UNC5D: variants seen among roughly 807,000 people sequenced by gnomAD.
The protein encoded by UNC5D is unc-5 netrin receptor D.
Under a neutral mutation model 105.4 loss-of-function variants are expected in UNC5D, and 39 were observed. The observed-to-expected ratio is 0.37, with a 90% CI of 0.29 to 0.48. The LOEUF (loss-of-function observed/expected upper bound fraction) is 0.48. Among genes scored for constraint, UNC5D ranks in the 20% least tolerant of loss-of-function variants. The probability of loss-of-function intolerance (pLI) is 0.98; values close to 1 mark genes in which losing one functional copy is unlikely to be tolerated. For synonymous variants in UNC5D, 452 were observed against 450.4 expected, an observed-to-expected ratio of 1.00 and a Z score of -0.04; for missense variants, 991 against 1,202.4, an observed-to-expected ratio of 0.82 and a Z score of 2.60.
chr8:35,331,353 T>G (rs1223526038), intron 1 of UNC5D, among the ~76,000 whole-genome samples: 1 of 152,158 alleles, frequency 6.6e-6, no homozygotes, highest in Non-Finnish European at 1.5e-5. Context: ...TCTCCTGGGC[T>G]TAGTGAAATT....
At chr8:35,749,989 T>TAAAAA (rs11380512) in intron 12 of UNC5D, among the ~76,000 whole-genome samples, 1 of 136,930 alleles carries the variant, frequency 7.3e-6, no homozygotes, top group African/African-American at 3.3e-5. Context: ...GAAATAGTTG[T>TAAAAA]AAAAAAAAAA....
At chr8:35,339,089 G>A (rs1811266497) in intron 1 of UNC5D, among the ~76,000 whole-genome samples, 1 of 152,168 alleles carries the variant, frequency 6.6e-6, no homozygotes, top group Non-Finnish European at 1.5e-5. Flanking sequence ...ACAGACCCAT[G>A]TAATAGTTTG....
chr8:35,708,337 T>C (rs1180544270), intron 8 of UNC5D, among the ~76,000 whole-genome samples: 1 of 152,230 alleles, frequency 6.6e-6, no homozygotes. Flanking sequence ...TGAAAGCACT[T>C]ATTGTAAATG....
intron 1 of UNC5D, among the ~76,000 whole-genome samples, chr8:35,545,054 G>A (rs1815548905): frequency 6.6e-6 from 1 of 152,198 alleles, no homozygotes; most frequent in Non-Finnish European, 1.5e-5. Context: ...ATGTGGTGTG[G>A]AAGGAGGCAG....
intron 1 of UNC5D, among the ~76,000 whole-genome samples, chr8:35,399,592 A>G (rs1253653726): frequency 1.3e-5 from 2 of 152,224 alleles, no homozygotes; most frequent in African/African-American, 4.8e-5. Flanking sequence ...GCATGCATAC[A>G]TATGTCAAAA....
intron 16 of UNC5D, among the ~76,000 whole-genome samples, chr8:35,781,921 AG>A (rs541157233): frequency 4.3e-4 from 65 of 152,306 alleles, no homozygotes; most frequent in African/African-American, 1.5e-3. Context: ...GATAATGATG[AG>A]GGAAATTTTA....
At chr8:35,540,690 G>A (rs1310584587) in intron 1 of UNC5D, among the ~76,000 whole-genome samples, 1 of 152,162 alleles carries the variant, frequency 6.6e-6, no homozygotes, top group Non-Finnish European at 1.5e-5. Context: ...GGACAAAGCT[G>A]TATCTGCCAT....
chr8:35,280,233 T>G (rs1344230437), intron 1 of UNC5D, among the ~76,000 whole-genome samples: 1 of 152,170 alleles, frequency 6.6e-6, no homozygotes, highest in Non-Finnish European at 1.5e-5. Context: ...TGAACTCAAG[T>G]GATCTGCCTA....
At chr8:35,584,676 C>T (rs1166306190) in intron 3 of UNC5D, among the ~76,000 whole-genome samples, 1 of 151,890 alleles carries the variant, frequency 6.6e-6, no homozygotes, top group Non-Finnish European at 1.5e-5. Flanking sequence ...GTATCAAACT[C>T]CTGGCCTGAA....
intron 1 of UNC5D, among the ~76,000 whole-genome samples, chr8:35,401,716 T>C (rs10113663): frequency 0.049 from 7,502 of 152,236 alleles, 208 homozygotes; most frequent in African/African-American, 0.073. Flanking sequence ...GACGTCTTAC[T>C]AAATCCCTGT....
chr8:35,506,472 A>T (rs1812311132), intron 1 of UNC5D, among the ~76,000 whole-genome samples: 1 of 152,172 alleles, frequency 6.6e-6, no homozygotes, highest in Non-Finnish European at 1.5e-5. Flanking sequence ...CTCCCTTTAA[A>T]AGGAGGAAGA....
At chr8:35,462,991 A>C (rs1455290069) in intron 1 of UNC5D, among the ~76,000 whole-genome samples, 1 of 152,226 alleles carries the variant, frequency 6.6e-6, no homozygotes, top group Admixed American at 6.5e-5. Context: ...CTTCTCTGGA[A>C]CACCACACTC....
At chr8:35,444,830 C>T (rs2128986472) in intron 1 of UNC5D, among the ~76,000 whole-genome samples, 1 of 151,986 alleles carries the variant, frequency 6.6e-6, no homozygotes, top group South Asian at 2.1e-4. Context: ...TTATCCTTGT[C>T]AATAAAGGAG....
intron 12 of UNC5D, among the ~76,000 whole-genome samples, chr8:35,749,578 T>C (rs984989886): frequency 6.6e-6 from 1 of 152,318 alleles, no homozygotes; most frequent in South Asian, 2.1e-4. Context: ...CCAACTAGTG[T>C]CTTGAAACTA....
At chr8:35,311,025 G>A (rs1808837791) in intron 1 of UNC5D, among the ~76,000 whole-genome samples, 1 of 152,090 alleles carries the variant, frequency 6.6e-6, no homozygotes, top group Non-Finnish European at 1.5e-5. Flanking sequence ...ACAAAGCCTA[G>A]GAAAGCCTAG....
At chr8:35,423,234 C>T (rs369180981) in intron 1 of UNC5D, among the ~76,000 whole-genome samples, 4 of 152,270 alleles carry the variant, frequency 2.6e-5, no homozygotes, top group East Asian at 3.9e-4. Context: ...GTGAGTGAGA[C>T]TTACACATCC....
intron 1 of UNC5D, among the ~76,000 whole-genome samples, chr8:35,328,723 G>A (rs1401030130): frequency 6.6e-6 from 1 of 152,078 alleles, no homozygotes; most frequent in Non-Finnish European, 1.5e-5. Context: ...AAGTTAGATT[G>A]GCCCAAGGTG....
chr8:35,251,982 C>A (rs1054003292), intron 1 of UNC5D, among the ~76,000 whole-genome samples: 1 of 151,182 alleles, frequency 6.6e-6, no homozygotes, highest in African/African-American at 2.4e-5. Context: ...AGCAAGCTTT[C>A]CTAATATTAC....
intron 1 of UNC5D, among the ~76,000 whole-genome samples, chr8:35,446,750 G>GA (rs1250405388): frequency 1.3e-5 from 2 of 152,018 alleles, no homozygotes; most frequent in African/African-American, 4.8e-5. Context: ...ACCTCATAGA[G>GA]AAAATCCAGT....
Sources: gnomAD v4.1 joint callset for allele counts (sites outside exome capture counted in the v4.1 genomes callset) on GRCh38, gnomAD v4.1.1 for gene constraint, MANE v1.5 for transcripts, NCBI Gene and HGNC (gene_info 2026-07-23, HGNC 2026-07-21) for gene names.